The following RASSF6 variants were observed in gnomAD, a reference collection of about 807,000 sequenced individuals.
The protein encoded by RASSF6 is ras association domain-containing protein 6.
A neutral mutation model predicts 44.0 loss-of-function variants in RASSF6; 52 were observed. The observed-to-expected ratio is 1.18, with a 90% CI of 0.95 to 1.49. The LOEUF is 1.49. Among genes scored for constraint, RASSF6 ranks in the 40% most tolerant of loss-of-function variants. RASSF6 has a pLI of 0.00. For missense variants in RASSF6, 464 were observed against 393.3 expected (o/e 1.18, Z -1.52); for synonymous variants, 162 against 124.6 (o/e 1.30, Z -2.00).
intron 2 of RASSF6, among the ~76,000 whole-genome samples, chr4:73,600,624 A>G (rs1381503116): frequency 6.6e-6 from 1 of 152,186 alleles, no homozygotes; most frequent in Admixed American, 6.5e-5. Context: ...TGACTGTTAC[A>G]TGTTTGAAAT....
chr4:73,581,236 C>T (rs1723625217), intron 8 of RASSF6, among the ~76,000 whole-genome samples: 1 of 152,044 alleles, frequency 6.6e-6, no homozygotes, highest in Non-Finnish European at 1.5e-5. Context: ...GTTTTAAAAA[C>T]TTTCATTTCA....
intron 8 of RASSF6, among the ~76,000 whole-genome samples, chr4:73,580,565 C>G (rs1482247277): frequency 6.7e-6 from 1 of 150,128 alleles, no homozygotes; most frequent in Non-Finnish European, 1.5e-5. Flanking sequence ...GATTGCCATT[C>G]TAACTGGTGT....
At chr4:73,588,266 T>C (rs1269833050) in intron 4 of RASSF6, among the ~76,000 whole-genome samples, 1 of 152,076 alleles carries the variant, frequency 6.6e-6, no homozygotes, top group Non-Finnish European at 1.5e-5. Flanking sequence ...ATAAAGATAT[T>C]TCACAATACT....
chr4:73,606,345 A>G (rs1431144763), intron 2 of RASSF6, among the ~76,000 whole-genome samples: 2 of 152,258 alleles, frequency 1.3e-5, no homozygotes, highest in African/African-American at 4.8e-5. Context: ...ATTCTCACTT[A>G]TAAGTGAGAG....
At chr4:73,605,207 A>G (rs1306806174) in intron 2 of RASSF6, among the ~76,000 whole-genome samples, 2 of 152,160 alleles carry the variant, frequency 1.3e-5, no homozygotes, top group Non-Finnish European at 2.9e-5. Flanking sequence ...TCTATATAAG[A>G]AACGTGTGAT....
At chr4:73,594,162 G>T (rs551472997) in intron 3 of RASSF6, among the ~76,000 whole-genome samples, 1 of 152,164 alleles carries the variant, frequency 6.6e-6, no homozygotes, top group Non-Finnish European at 1.5e-5. Flanking sequence ...TAGTATAGCA[G>T]AAGAAGGAGA....
chr4:73,616,473 G>A (rs1726373000), intron 1 of RASSF6, among the ~76,000 whole-genome samples: 1 of 152,076 alleles, frequency 6.6e-6, no homozygotes, highest in South Asian at 2.1e-4. Flanking sequence ...TCTAAAGTGA[G>A]TGAATATATG....
At chr4:73,590,517 G>C (rs1401077726) in intron 4 of RASSF6, among the ~76,000 whole-genome samples, 4 of 152,170 alleles carry the variant, frequency 2.6e-5, no homozygotes, top group African/African-American at 7.2e-5. Context: ...AATTAAAATA[G>C]ATGTTATCTT....
At chr4:73,588,037 G>T (rs1724238793) in intron 4 of RASSF6, 103 bp from the exon 5 acceptor site, 1 of 639,772 alleles carries the variant, frequency 1.6e-6, no homozygotes, top group South Asian at 2.5e-5. Flanking sequence ...GTGGGCCTCT[G>T]TAGGTGGATA....
intron 4 of RASSF6, among the ~76,000 whole-genome samples, chr4:73,590,699 T>A (rs935355440): frequency 1.3e-5 from 2 of 152,220 alleles, no homozygotes; most frequent in Non-Finnish European, 2.9e-5. Context: ...TACTCTTGGC[T>A]AATTAATGAC....
chr4:73,583,823 G>A (rs1341071941), intron 6 of RASSF6, among the ~76,000 whole-genome samples: 1 of 152,062 alleles, frequency 6.6e-6, no homozygotes. Flanking sequence ...CCCATCAACA[G>A]CCTTGTAAAG....
Position 73,585,342 on chromosome 4 carries a change from G to T in RASSF6, c.405C>A (p.Asn135Lys), listed in dbSNP as rs768346066. ...CATCCTTTGCATGTGGCTTCAGGGTGTTGCTGTGATAAGATAAATAGTCTG... is the reference window on the plus strand; with the variant it reads ...CATCCTTTGCATGTGGCTTCAGGGTTTTGCTGTGATAAGATAAATAGTCTG... The part of the protein sequence containing the change: ...SQEDYLSYHS[N>K]TLKPHAKDEP... The change falls in exon 6 of 11, where the codon AAC becomes AAA. Residue 135 changes from asparagine to lysine, a missense_variant. By Grantham distance (94) the Asn-to-Lys change is moderately conservative (BLOSUM62 0). Coordinates refer to ENST00000307439, the MANE Select transcript of RASSF6 (RefSeq NM_177532.5). 1.0e-5 allele frequency: 16 copies of T among 1,596,340 alleles called. No homozygotes were observed. The highest frequency in any genetic ancestry group is 1.4e-5 in the African/African-American group (1 of 74,038).
intron 1 of RASSF6, among the ~76,000 whole-genome samples, chr4:73,618,867 C>T (rs1243296599): frequency 6.6e-6 from 1 of 152,144 alleles, no homozygotes; most frequent in African/African-American, 2.4e-5. Context: ...GTCATAGACA[C>T]TAAGTTGGTC....
Position 73,593,456 on chromosome 4 carries a change from G to T in RASSF6, c.282C>A (p.Ser94Arg). The change falls in exon 4 of 11, where the codon AGC (serine) becomes AGA (arginine). Residue 94 changes from serine (S) to arginine (R), a missense_variant. Physicochemically the swap from Ser to Arg is moderately radical, Grantham distance 110. Transcript: ENST00000307439. ...TSMKSSDVFS[S>R]KGMTRWGEFD... is the part of the protein sequence containing the mutation. ...AAACATGAAAGATAGCTTACCCTTT[G>T]CTGGAGAAGACGTCTGATGACTTCA... 6.2e-7 allele frequency: 1 copy of T among 1,600,916 alleles called. No individual in the cohort carries two copies. The highest frequency in any genetic ancestry group is 8.5e-7 in the Non-Finnish European group (1 of 1,175,970).
At position 73,587,881 on chromosome 4, in the gene RASSF6, C is replaced by T. The variant is rs780582863; in HGVS notation, c.341G>A (p.Arg114Lys). ...TTTTTCAGACATAGGAATCTGGGTC[C>T]TGTCCAGCTCACTAATACGATAGAG... ...DDLYRISELD[R>K]TQIPMSEKRN... Residue 114 changes from arginine (R) to lysine (K), a missense_variant, in exon 5 of 11, where the codon AGG becomes AAG. Coordinates refer to ENST00000307439, the MANE Select transcript of RASSF6 (RefSeq NM_177532.5). The T allele has an allele frequency of 1.9e-6, 3 of 1,610,080 alleles. No individual in the cohort carries two copies. Among genetic ancestry groups the T allele is most frequent in the South Asian group, 2.2e-5 (2 of 90,756 alleles).
chr4:73,599,781 C>A (rs1041743249), intron 2 of RASSF6, among the ~76,000 whole-genome samples: 2 of 152,184 alleles, frequency 1.3e-5, no homozygotes, highest in African/African-American at 4.8e-5. Context: ...TTGCTCAGAA[C>A]TCTTCAATGT....
chr4:73,595,594 T>A (rs1724881494), intron 3 of RASSF6, among the ~76,000 whole-genome samples: 1 of 152,212 alleles, frequency 6.6e-6, no homozygotes, highest in Non-Finnish European at 1.5e-5. Context: ...CTCAAATATT[T>A]ACCTAAAGGA....
chr4:73,575,264 T>A lies in RASSF6; in HGVS notation c.*971A>T, dbSNP rs1420747722. ...TTTAATACAGAATTTATAAATAAAA[T>A]CATAGTTTATACTTATAGCATTTCT... On this transcript the variant is annotated 3_prime_UTR_variant, in exon 11 of 11. Transcript: ENST00000307439. 1 of 152,184 alleles carries A rather than the reference T, an allele frequency of 6.6e-6. No homozygotes were observed. Among genetic ancestry groups the A allele is most frequent in the African/African-American group, 2.4e-5 (1 of 41,446 alleles). 9.4% of individuals were successfully genotyped at this position (152,184 alleles called of 1,614,324 possible).
At chr4:73,617,371 G>A (rs1560465153) in intron 1 of RASSF6, among the ~76,000 whole-genome samples, 1 of 152,202 alleles carries the variant, frequency 6.6e-6, no homozygotes. Flanking sequence ...GGTCAGAGAA[G>A]CAAATTTGTA....
Sources: allele counts gnomAD v4.1 joint callset (sites outside exome capture counted in the v4.1 genomes callset), GRCh38; gene constraint gnomAD v4.1.1; transcripts MANE v1.5; gene names NCBI Gene and HGNC (gene_info 2026-07-23, HGNC 2026-07-21).